Variants in MCM2 observed in about 807,000 individuals in gnomAD.
MCM2 encodes the protein minichromosome maintenance complex component 2, also known as DNA replication licensing factor MCM2.
MCM2 carries 49 observed loss-of-function variants against 86.4 expected under a neutral mutation model. The ratio of observed to expected loss-of-function variants is 0.57; its 90% CI spans 0.45 to 0.72. The LOEUF is 0.72. MCM2 is among the 30% of genes least tolerant of loss of function. The pLI is 0.00. For missense variants in MCM2, 1,038 were observed against 1,259.9 expected (o/e 0.82, Z 2.67); for synonymous variants, 475 against 484.6 (o/e 0.98, Z 0.26).
In MCM2 at chr3:127,617,961, T is replaced by G; in HGVS notation, c.1901-8T>G. 1 of 1,610,096 alleles carries G rather than the reference T, an allele frequency of 6.2e-7. No homozygotes were observed. The highest frequency in any genetic ancestry group is 8.5e-7 in the Non-Finnish European group (1 of 1,177,132). ...CCACCCTGATGGAGGTGCTCCCCTG[T>G]GTTTCAGGAGGGCGCTACGACCCCT... On this transcript the variant is annotated splice_polypyrimidine_tract_variant and splice_region_variant and intron_variant, in intron 11 of 15. Transcript: ENST00000265056. The surrounding 1 kb of genome is among the most constrained non-coding windows in gnomAD (Gnocchi z 4.1).
intron 8 of MCM2, among the ~76,000 whole-genome samples, chr3:127,615,220 T>C (rs1262428256): frequency 6.6e-6 from 1 of 152,170 alleles, no homozygotes; most frequent in Non-Finnish European, 1.5e-5. Context: ...AAAACATGGC[T>C]CTGCTGCAGG....
At chr3:127,605,509 C>T (rs1576413304) in intron 4 of MCM2, among the ~76,000 whole-genome samples, 2 of 140,926 alleles carry the variant, frequency 1.4e-5, no homozygotes, top group African/African-American at 5.4e-5. Flanking sequence ...GGCACGGTCT[C>T]GGCTCACTGC....
Position 127,599,298 on chromosome 3 carries a change from A to G in MCM2, c.7-20A>G. On this transcript the variant is annotated intron_variant, in intron 1 of 15. Coordinates refer to ENST00000265056, the MANE Select transcript of MCM2 (RefSeq NM_004526.4). ...CTCACCAGCTTCCTAGGTTTCTGAC[A>G]ACCGCACCTTCTCTTGCAGGAATCA... 6.2e-7 allele frequency: 1 copy of G among 1,611,622 alleles called. No homozygotes were observed. Among genetic ancestry groups the G allele is most frequent in the African/African-American group, 1.3e-5 (1 of 75,010 alleles).
chr3:127,615,130 T>C (rs2107693351), intron 8 of MCM2, among the ~76,000 whole-genome samples: 1 of 152,310 alleles, frequency 6.6e-6, no homozygotes, highest in East Asian at 1.9e-4. Context: ...CAGTGCTTTC[T>C]GAGCTTCTTT....
chr3:127,604,471 T>A, intron 2 of MCM2, 137 bp from the exon 3 acceptor site: 1 of 792,394 alleles, frequency 1.3e-6, no homozygotes, highest in Non-Finnish European at 2.1e-6. Context: ...GCCTTCTGTG[T>A]TTCTGACCTG....
intron 2 of MCM2, among the ~76,000 whole-genome samples, chr3:127,603,151 C>T (rs1379118273): frequency 1.3e-5 from 2 of 151,704 alleles, no homozygotes; most frequent in Non-Finnish European, 2.9e-5. Flanking sequence ...CAGGCGCCCA[C>T]CACCGCGCCC....
chr3:127,602,602 G>C (rs1012886221), intron 2 of MCM2, among the ~76,000 whole-genome samples: 1 of 152,214 alleles, frequency 6.6e-6, no homozygotes, highest in Non-Finnish European at 1.5e-5. Context: ...CCTCCTCAGG[G>C]AAGAGAGCAC....
chr3:127,607,041 C>T (rs911442764), intron 6 of MCM2, among the ~76,000 whole-genome samples: 7 of 152,250 alleles, frequency 4.6e-5, no homozygotes, highest in East Asian at 1.9e-4. Flanking sequence ...TTAAGTCAGG[C>T]GATTTGTTTA....
intron 2 of MCM2, among the ~76,000 whole-genome samples, chr3:127,602,774 T>G (rs1313980831): frequency 6.6e-6 from 1 of 152,212 alleles, no homozygotes; most frequent in African/African-American, 2.4e-5. Context: ...AGGGCTGGTT[T>G]GGCTGACTGT....
At chr3:127,615,817 GTGAGTA>G in intron 8 of MCM2, 39 bp from the exon 9 acceptor site, 1 of 1,422,602 alleles carries the variant, frequency 7.0e-7, no homozygotes, top group African/African-American at 1.4e-5. Context: ...GACCTACTCT[GTGAGTA>G]TCTGTTCCCA....
rs567485916 is a variant in MCM2 at position 127,609,771 on chromosome 3, G to A, written c.1428+748G>A. 4.5e-4 allele frequency among the ~76,000 whole-genome samples: 67 copies of A among 150,538 alleles called. No individual in the cohort carries two copies. In the South Asian group the frequency reaches 5.3e-3, roughly 12 times the overall value. ...ACCTCCATCCTGCCCCCAGAGCACC[G>A]TGTGTTCTCAAGCTCGCTGCTCTCC... On this transcript the variant is annotated intron_variant, in intron 8 of 15. Coordinates refer to ENST00000265056, the MANE Select transcript of MCM2 (RefSeq NM_004526.4).
rs777834282 is a variant in MCM2, at chr3:127,619,285, G to A, written c.2265+7G>A. The A allele has an allele frequency of 4.3e-6, 7 of 1,609,980 alleles. No individual in the cohort carries two copies. Among genetic ancestry groups the A allele is most frequent in the Non-Finnish European group, 5.1e-6 (6 of 1,176,732 alleles). ...CCTGAGGAAAGAATCTATGGTGAGA[G>A]CCCAGGCAGAGCCGGGAGGTGCTAT... On this transcript the variant is annotated splice_region_variant and intron_variant, in intron 13 of 15. Transcript: ENST00000265056.
At position 127,608,928 on chromosome 3, in the gene MCM2, G is replaced by T; in HGVS notation, c.1333G>T (p.Ala445Ser). 1 of 1,614,148 alleles carries T rather than the reference G, an allele frequency of 6.2e-7. No individual in the cohort carries two copies. Among genetic ancestry groups the T allele is most frequent in the African/African-American group, 1.3e-5 (1 of 75,018 alleles). ...FATVILANHV[A>S]KKDNKVAVGE... Reference sequence around the variant, plus strand: ...CACTGTCATCCTAGCCAACCACGTGGCCAAGAAGGACAACAAGGTTGCTGT... The same window carrying T: ...CACTGTCATCCTAGCCAACCACGTGTCCAAGAAGGACAACAAGGTTGCTGT... The change falls in exon 8 of 16, where the codon GCC becomes TCC. Residue 445 changes from alanine to serine, a missense_variant. By Grantham distance (99) the Ala-to-Ser change is moderately conservative (BLOSUM62 1). Coordinates refer to ENST00000265056, the MANE Select transcript of MCM2 (RefSeq NM_004526.4).
At position 127,617,621 on chromosome 3, in the gene MCM2, C is replaced by T. The variant is rs1298090953; in HGVS notation, c.1900+216C>T. ...TGTTGAGTCATGTTCCTGGAATCAC[C>T]TTGGATGTTCTCAGAAGGCATGGGA... On this transcript the variant is annotated intron_variant, in intron 11 of 15. Coordinates refer to ENST00000265056, the MANE Select transcript of MCM2 (RefSeq NM_004526.4). This position sits in a 1 kb window ranked among gnomAD's most constrained non-coding sequence, Gnocchi z 4.1. 5 of 638,420 alleles carry T rather than the reference C, an allele frequency of 7.8e-6. No homozygotes were observed. Among genetic ancestry groups the T allele is most frequent in the South Asian group, 2.0e-5 (1 of 51,066 alleles). 39.5% of individuals were successfully genotyped at this position (638,420 alleles called of 1,614,324 possible). A position where few individuals can be genotyped will look rare whatever the true frequency, so the allele number is the denominator to read the frequency against.
At position 127,621,098 on chromosome 3, in the gene MCM2, G is replaced by A. The variant is rs374590880; in HGVS notation, c.2474G>A (p.Arg825Gln). ...RKTFARYLSF[R>Q]RDNNELLLFI... The stretch of plus-strand genomic sequence containing the variant: ...ACTTTTGCCCGCTACCTTTCATTCC[G>A]GCGTGACAACAATGAGCTGTTGCTC... The change falls in exon 15 of 16, where the codon CGG (arginine) becomes CAG (glutamine). Residue 825 changes from arginine (R) to glutamine (Q), a missense_variant. This residue lies in a region of MCM2 where 336 missense variants were observed against 425.7 expected (regional missense o/e 0.79). Transcript: ENST00000265056. 3.1e-4 allele frequency: 496 copies of A among 1,614,186 alleles called. 4 individuals carry two copies. The South Asian group carries it at 4.9e-3, about 16-fold the overall frequency.
At chr3:127,615,709 C>T (rs17497111) in intron 8 of MCM2, among the ~76,000 whole-genome samples, 153 bp from the exon 9 acceptor site, 25 of 152,200 alleles carry the variant, frequency 1.6e-4, no homozygotes, top group Non-Finnish European at 3.5e-4. Context: ...GAGTCGGGCA[C>T]GGCTTGATAC....
At chr3:127,607,639 G>C (rs2074361391) in intron 6 of MCM2, among the ~76,000 whole-genome samples, 1 of 152,204 alleles carries the variant, frequency 6.6e-6, no homozygotes, top group South Asian at 2.1e-4. Flanking sequence ...TTGCTTCTAG[G>C]GACCTGAGAT....
Position 127,604,604 on chromosome 3 carries a change from T to A in MCM2, c.237-4T>A. On this transcript the variant is annotated splice_polypyrimidine_tract_variant and splice_region_variant and intron_variant, in intron 2 of 15. Transcript: ENST00000265056. ...TAACCACATCTGTTTTGGTGCTCCC[T>A]CAGGGACTACCGCGCCATCCCAGAG... The A allele has an allele frequency of 6.8e-6, 11 of 1,611,986 alleles. No homozygotes were observed. The highest frequency in any genetic ancestry group is 9.3e-6 in the Non-Finnish European group (11 of 1,179,172).
At position 127,604,608 on chromosome 3, in the gene MCM2, G is replaced by A. The variant is rs1220882031; in HGVS notation, c.237G>A (p.Arg79=). The A allele has an allele frequency of 6.2e-6, 10 of 1,612,190 alleles. No homozygotes were observed. Among genetic ancestry groups the A allele is most frequent in the Admixed American group, 1.7e-5 (1 of 59,982 alleles). ...CACATCTGTTTTGGTGCTCCCTCAG[G>A]GACTACCGCGCCATCCCAGAGCTGG... ...GEELIGDGME[R]DYRAIPELDA... is the part of the protein sequence containing the mutation. Residue 79 remains arginine (R), a splice_region_variant and synonymous_variant, in exon 3 of 16, where the codon AGG becomes AGA. Coordinates refer to ENST00000265056, the MANE Select transcript of MCM2 (RefSeq NM_004526.4).
Sources: allele counts gnomAD v4.1 joint callset (sites outside exome capture counted in the v4.1 genomes callset), GRCh38; gene constraint gnomAD v4.1.1; regional missense constraint gnomAD v4.1.1; non-coding constraint Gnocchi (gnomAD v3.1); transcripts MANE v1.5; gene names NCBI Gene and HGNC (gene_info 2026-07-23, HGNC 2026-07-21).